Variants in RASGRP3 observed in about 807,000 individuals in gnomAD.
RASGRP3 encodes the protein ras guanyl-releasing protein 3.
A neutral mutation model predicts 82.7 loss-of-function variants in RASGRP3; 54 were observed. That is an observed-to-expected ratio of 0.65 (90% CI 0.52 to 0.82). The LOEUF is 0.82. Among genes scored for constraint, RASGRP3 ranks in the 40% least tolerant of loss-of-function variants. The probability of loss-of-function intolerance (pLI) is 0.00; values close to 1 mark genes in which losing one functional copy is unlikely to be tolerated. For synonymous variants in RASGRP3, 309 were observed against 300.5 expected (o/e 1.03, Z -0.29); for missense variants, 861 against 828.9 (o/e 1.04, Z -0.48).
chr2:33,439,226 G>GA (rs1187789443), intron 1 of RASGRP3, among the ~76,000 whole-genome samples: 2 of 151,972 alleles, frequency 1.3e-5, no homozygotes, highest in African/African-American at 2.4e-5. Context: ...ATGTTAAGTT[G>GA]AAAAAAGGGA....
chr2:33,486,177 T>TG (rs1208473386), intron 1 of RASGRP3, among the ~76,000 whole-genome samples: 14 of 146,632 alleles, frequency 9.5e-5, no homozygotes, highest in East Asian at 2.0e-4. Context: ...TTTTTTTTTT[T>TG]TGAGAGAGAG....
chr2:33,508,042 C>T (rs78628219), intron 1 of RASGRP3, among the ~76,000 whole-genome samples: 2,999 of 152,210 alleles, frequency 0.02, 52 homozygotes, highest in Middle Eastern at 0.048. Flanking sequence ...ATTTACTGAT[C>T]CATTGTCTAT....
intron 12 of RASGRP3, among the ~76,000 whole-genome samples, chr2:33,541,294 C>T (rs1674262177): frequency 6.8e-6 from 1 of 147,202 alleles, no homozygotes; most frequent in Non-Finnish European, 1.5e-5. Flanking sequence ...AGGATAACCA[C>T]TGATCATTTG....
At chr2:33,486,147 C>CT (rs938257793) in intron 1 of RASGRP3, among the ~76,000 whole-genome samples, 1 of 140,514 alleles carries the variant, frequency 7.1e-6, no homozygotes, top group East Asian at 2.1e-4. Flanking sequence ...CTTTTCTTTT[C>CT]TTTCTTTCTT....
intron 1 of RASGRP3, among the ~76,000 whole-genome samples, chr2:33,491,448 A>C (rs1668837755): frequency 6.6e-6 from 1 of 151,156 alleles, no homozygotes; most frequent in African/African-American, 2.4e-5. Context: ...ATTAATACTT[A>C]ATCTTTTTGT....
chr2:33,506,653 C>A (rs1017995345), intron 1 of RASGRP3, among the ~76,000 whole-genome samples: 3 of 152,192 alleles, frequency 2.0e-5, no homozygotes, highest in Middle Eastern at 3.2e-3. Flanking sequence ...ATTTTTAAAT[C>A]TAGGAAAATC....
rs749076594 is a variant in RASGRP3 at position 33,558,305 on chromosome 2, G to T, written c.1674G>T (p.Gly558=). The part of the protein sequence containing the change: ...ARAPSLSSGH[G]SLPGSPSLPP... ...CGCCCTCCTTGAGCAGTGGTCATGG[G>T]TCACTGCCTGGAAGCCCCTCGCTGC... Residue 558 remains glycine, a synonymous_variant, in exon 16 of 18, where the codon GGG becomes GGT. Transcript: ENST00000403687. 1 of 1,613,514 alleles carries T rather than the reference G, an allele frequency of 6.2e-7. No individual in the cohort carries two copies. Among genetic ancestry groups the T allele is most frequent in the Non-Finnish European group, 8.5e-7 (1 of 1,179,874 alleles).
chr2:33,542,908 G>C (rs1049538653), intron 12 of RASGRP3, among the ~76,000 whole-genome samples: 3 of 152,030 alleles, frequency 2.0e-5, no homozygotes, highest in African/African-American at 7.2e-5. Flanking sequence ...GGTCAGGGTG[G>C]TCTTGAATTC....
chr2:33,471,441 C>G (rs577531897), intron 2 of RASGRP3, among the ~76,000 whole-genome samples: 5 of 151,676 alleles, frequency 3.3e-5, no homozygotes, highest in African/African-American at 1.2e-4. Flanking sequence ...CTTGGCCTCC[C>G]AAAGCACTGG....
At position 33,462,447 on chromosome 2, in the gene RASGRP3, G is replaced by A. The variant is rs554216247; in HGVS notation, c.-261+14504G>A. On this transcript the variant is annotated intron_variant, in intron 2 of 18. Transcript: ENST00000402538. ...CAGGCTGGAGTACAGTGGTGCGATC[G>A]GCACACTGCAACCTACACCTCCCGG... 6.0e-5 allele frequency among the ~76,000 whole-genome samples: 9 copies of A among 150,394 alleles called. No homozygotes were observed. The East Asian group carries it at 1.6e-3, about 26-fold the overall frequency.
At chr2:33,562,581 T>G in intron 17 of RASGRP3, 148 bp from the exon 18 acceptor site, 1 of 837,146 alleles carries the variant, frequency 1.2e-6, no homozygotes, top group Middle Eastern at 2.4e-4. Context: ...ACCTACATGA[T>G]CTCCTAATTC....
Position 33,560,009 on chromosome 2 carries a change from T to C in RASGRP3, c.2064+979T>C, listed in dbSNP as rs185360567. ...TCATACAAGGTTTATTGTAAGTTTC[T>C]GCTGAAACACTTTTTTTGTTTCTAT... On this transcript the variant is annotated intron_variant, in intron 17 of 17. Coordinates refer to ENST00000403687, the MANE Select transcript of RASGRP3 (RefSeq NM_001139488.2). Among the ~76,000 whole-genome samples, 673 of 152,368 alleles carry C rather than the reference T, an allele frequency of 4.4e-3. 6 individuals are homozygous for C. Among genetic ancestry groups the C allele is most frequent in the African/African-American group, 0.016 (651 of 41,580 alleles).
intron 10 of RASGRP3, among the ~76,000 whole-genome samples, chr2:33,530,550 AGGACAG>A (rs1673020679): frequency 6.7e-6 from 1 of 148,390 alleles, no homozygotes; most frequent in South Asian, 2.2e-4. Flanking sequence ...AGATTTACAA[AGGACAG>A]GGAGCAAACT....
chr2:33,549,516 A>C (rs1675166973), intron 13 of RASGRP3, 88 bp from the exon 14 acceptor site: 3 of 1,312,824 alleles, frequency 2.3e-6, no homozygotes, highest in Non-Finnish European at 3.1e-6. Context: ...TTGGCCACAA[A>C]GGTTTGGGAG....
At chr2:33,441,432 C>T (rs1665221822) in intron 1 of RASGRP3, among the ~76,000 whole-genome samples, 1 of 152,192 alleles carries the variant, frequency 6.6e-6, no homozygotes. Flanking sequence ...TCTCTAGTGG[C>T]AATACCAGAA....
intron 12 of RASGRP3, 58 bp from the exon 13 acceptor site, chr2:33,543,454 T>C (rs1674456419): frequency 9.1e-7 from 1 of 1,094,044 alleles, no homozygotes; most frequent in Non-Finnish European, 1.3e-6. Context: ...GCTTTTGCAA[T>C]AACAAGTTCA....
Position 33,456,720 on chromosome 2 carries a change from A to G in RASGRP3, c.-261+8777A>G, listed in dbSNP as rs533942792. Among the ~76,000 whole-genome samples the G allele has an allele frequency of 5.9e-5, 9 of 152,284 alleles. No individual in the cohort carries two copies. The South Asian group carries it at 1.9e-3, about 32-fold the overall frequency. On this transcript the variant is annotated intron_variant, in intron 2 of 18. Coordinates refer to the RASGRP3 transcript ENST00000402538. Reference sequence around the variant, plus strand: ...TGAGAGAATCACCACAATTTTTAAAAAATTCATTTTTCTAAAAATAATTAA... The same window carrying G: ...TGAGAGAATCACCACAATTTTTAAAGAATTCATTTTTCTAAAAATAATTAA...
intron 11 of RASGRP3, among the ~76,000 whole-genome samples, chr2:33,537,331 CA>C (rs1413899563): frequency 3.6e-4 from 10 of 27,816 alleles, no homozygotes; most frequent in African/African-American, 3.1e-3. Flanking sequence ...CCGCCCCCCC[CA>C]CACACACACA....
chr2:33,490,743 A>G (rs962749475), intron 1 of RASGRP3, among the ~76,000 whole-genome samples: 10 of 152,300 alleles, frequency 6.6e-5, no homozygotes, highest in Non-Finnish European at 1.0e-4. Flanking sequence ...TTACCTGGTG[A>G]TAAATCCCAA....
Sources: allele counts gnomAD v4.1 joint callset (sites outside exome capture counted in the v4.1 genomes callset), GRCh38; gene constraint gnomAD v4.1.1; transcripts MANE v1.5; gene names NCBI Gene and HGNC (gene_info 2026-07-23, HGNC 2026-07-21).